Variants in CACNA1S observed in about 807,000 individuals in gnomAD.
CACNA1S encodes calcium voltage-gated channel subunit alpha1 S, also known as voltage-dependent L-type calcium channel subunit alpha-1S.
In CACNA1S, 126 loss-of-function variants were observed where a neutral mutation model predicts 207.4. The observed-to-expected ratio is 0.61, with a 90% CI of 0.53 to 0.70. CACNA1S has a LOEUF of 0.70. Ranked by LOEUF, CACNA1S falls within the 30% of genes least tolerant of loss-of-function variation. CACNA1S has a pLI of 0.00. For missense variants in CACNA1S, 2,349 were observed against 2,422.8 expected, an observed-to-expected ratio of 0.97 and a Z score of 0.64; for synonymous variants, 960 against 932.7, an observed-to-expected ratio of 1.03 and a Z score of -0.53.
At chr1:201,112,049 A>T in intron 1 of CACNA1S, 139 bp downstream of exon 1, 1 of 730,698 alleles carries the variant, frequency 1.4e-6, no homozygotes, top group Admixed American at 2.8e-5. Flanking sequence ...CCAGCTCCTC[A>T]CTCAATTCTG....
At chr1:201,076,336 C>G (rs1364874283) in intron 12 of CACNA1S, among the ~76,000 whole-genome samples, 1 of 152,218 alleles carries the variant, frequency 6.6e-6, no homozygotes, top group Admixed American at 6.5e-5. Context: ...GCCTTTCTCA[C>G]TGGTACAAAA....
rs1661144689 is a variant in CACNA1S, at chr1:201,063,608, A to C, written c.2854-1094T>G. On this transcript the variant is annotated intron_variant, in intron 22 of 43. Transcript: ENST00000362061. The stretch of plus-strand genomic sequence containing the variant: ...CCAGCAGGATGGCTAGGTCTTAAAG[A>C]GGCTAAATCAGGCTTGAGATCCACG... 2.0e-5 allele frequency among the ~76,000 whole-genome samples: 3 copies of C among 152,202 alleles called. No individual in the cohort carries two copies. The South Asian group carries it at 6.2e-4, about 31-fold the overall frequency.
In CACNA1S at chr1:201,079,243, AC is replaced by A. The variant is rs532489727; in HGVS notation, c.1394-1140del. ...TCTATATTGCTCTCTTCACTTCTTC[AC>A]CCCCTGCCCTGCCACATTTGCTCTT... On this transcript the variant is annotated intron_variant, in intron 10 of 43. Coordinates refer to ENST00000362061, the MANE Select transcript of CACNA1S (RefSeq NM_000069.3). Among the ~76,000 whole-genome samples the A allele has an allele frequency of 4.6e-4, 69 of 149,726 alleles. 2 individuals are homozygous for A. In the South Asian group the frequency reaches 0.015, roughly 32 times the overall value.
chr1:201,076,954 T>C lies in CACNA1S; in HGVS notation c.1793A>G (p.Asp598Gly), dbSNP rs749475822. The part of the protein sequence containing the change: ...EDTEVRRSNF[D>G]NFPQALISVF... ...GCTGATGAGGGCTTGGGGAAAGTTG[T>C]CAAAGTTGCTGCGCCGTACTTCTGT... Residue 598 changes from aspartate (D) to glycine (G), a missense_variant, in exon 12 of 44, where the codon GAC (aspartate) becomes GGC (glycine). Transcript: ENST00000362061. The C allele has an allele frequency of 6.2e-7, 1 of 1,614,134 alleles. No homozygotes were observed. The highest frequency in any genetic ancestry group is 8.5e-7 in the Non-Finnish European group (1 of 1,180,028).
At chr1:201,091,576 G>T in intron 5 of CACNA1S, 64 bp downstream of exon 5, 1 of 1,569,528 alleles carries the variant, frequency 6.4e-7, no homozygotes, top group Non-Finnish European at 8.8e-7. Context: ...ACCAGGTAGG[G>T]TGGCTCCCCC....
Position 201,059,298 on chromosome 1 carries a change from T to C in CACNA1S, c.3416A>G (p.His1139Arg). The C allele has an allele frequency of 6.2e-7, 1 of 1,609,228 alleles. No individual in the cohort carries two copies. The highest frequency in any genetic ancestry group is 8.5e-7 in the Non-Finnish European group (1 of 1,175,652). ...GTTCATCTGCTCCGACTGGTTGTAG[T>C]GCTGTGGAGGGGACACAGGAGCAGT... ...MLNTICLGMQ[H>R]YNQSEQMNHI... The change falls in exon 27 of 44, where the codon CAC (histidine) becomes CGC (arginine). Residue 1139 changes from histidine (H) to arginine (R), a missense_variant and splice_region_variant. Physicochemically the swap from His to Arg is conservative, Grantham distance 29 (BLOSUM62 0). Transcript: ENST00000362061.
rs80338782 is a variant in CACNA1S, at chr1:201,060,816, G to A, written c.3256C>T (p.Arg1086Cys). ...YKNCELDKNQRQCVQYALKAR... is the reference protein window; with the variant it reads ...YKNCELDKNQCQCVQYALKAR... The stretch of plus-strand genomic sequence containing the variant: ...TTCAGGGCATACTGTACACATTGGC[G>A]CTGTGACACATACAACAGGACAGGT... Residue 1086 changes from arginine to cysteine, a missense_variant and splice_region_variant, in exon 26 of 44, where the codon CGC becomes TGC. Physicochemically the swap from Arg to Cys is radical, Grantham distance 180 (BLOSUM62 -3). Coordinates refer to ENST00000362061, the MANE Select transcript of CACNA1S (RefSeq NM_000069.3). The A allele has an allele frequency of 2.4e-5, 39 of 1,614,026 alleles. No individual in the cohort carries two copies. The highest frequency in any genetic ancestry group is 5.3e-5 in the African/African-American group (4 of 74,902).
chr1:201,087,865 G>C lies in CACNA1S; in HGVS notation c.965C>G (p.Ser322Cys). The C allele has an allele frequency of 6.2e-7, 1 of 1,613,932 alleles. No homozygotes were observed. Among genetic ancestry groups the C allele is most frequent in the Non-Finnish European group, 8.5e-7 (1 of 1,179,914 alleles). ...IYFVTLILLG[S>C]FFILNLVLGV... ...CAGCACCAGGTTGAGGATGAAGAAG[G>C]ATCCCAGCAAAATGAGGGTGACAAA... The change falls in exon 7 of 44, where the codon TCC becomes TGC. Residue 322 changes from serine to cysteine, a missense_variant. Ser to Cys is a moderately radical substitution (Grantham distance 112). Coordinates refer to ENST00000362061, the MANE Select transcript of CACNA1S (RefSeq NM_000069.3).
intron 2 of CACNA1S, among the ~76,000 whole-genome samples, chr1:201,107,343 C>T (rs75975697): frequency 0.014 from 2,091 of 152,302 alleles, 56 homozygotes; most frequent in African/African-American, 0.048. Context: ...CCTTCCTGAT[C>T]TCAAGACTAG....
intron 2 of CACNA1S, among the ~76,000 whole-genome samples, chr1:201,103,748 C>T (rs1274588837): frequency 2.0e-5 from 3 of 152,330 alleles, no homozygotes; most frequent in East Asian, 3.9e-4. Context: ...CCAGCCTCCC[C>T]AGATGGCGAG....
In CACNA1S at chr1:201,053,206, C is replaced by G; in HGVS notation, c.3861+3G>C. 1 of 1,614,242 alleles carries G rather than the reference C, an allele frequency of 6.2e-7. No homozygotes were observed. Among genetic ancestry groups the G allele is most frequent in the Non-Finnish European group, 8.5e-7 (1 of 1,180,042 alleles). On this transcript the variant is annotated splice_donor_region_variant and intron_variant, in intron 31 of 43. Transcript: ENST00000362061. This position sits in a 1 kb window ranked among gnomAD's most constrained non-coding sequence, Gnocchi z 5.1. The stretch of plus-strand genomic sequence containing the variant: ...CTTTGGCCTGGGCCCGCCTGCCTCT[C>G]ACCTGCATGCCGATGACAGCGTAGA...
At chr1:201,072,061 C>T (rs992636423) in intron 16 of CACNA1S, among the ~76,000 whole-genome samples, 19 of 152,222 alleles carry the variant, frequency 1.2e-4, no homozygotes, top group African/African-American at 4.6e-4. Context: ...CCCACTGACC[C>T]GGTGATCCGA....
Position 201,043,606 on chromosome 1 carries a change from G to A in CACNA1S, c.4798-75C>T. ...TGGGGGGCTGTCACTCTGGGACAGT[G>A]GTATTGGGAACAAGCAATAGTATTG... is the stretch of plus-strand genomic sequence containing the variant. On this transcript the variant is annotated intron_variant, in intron 39 of 43. Transcript: ENST00000362061. 3 of 1,325,654 alleles carry A rather than the reference G, an allele frequency of 2.3e-6. No homozygotes were observed. The South Asian group carries it at 3.6e-5, about 16-fold the overall frequency. 82.1% of individuals were successfully genotyped at this position (1,325,654 alleles called of 1,614,324 possible).
At chr1:201,080,914 C>G (rs933664510) in intron 10 of CACNA1S, among the ~76,000 whole-genome samples, 1 of 152,166 alleles carries the variant, frequency 6.6e-6, no homozygotes, top group Non-Finnish European at 1.5e-5. Context: ...TTTTATGTTA[C>G]TATCTTAGTT....
At chr1:201,050,547 C>A in intron 33 of CACNA1S, 31 bp from the exon 34 acceptor site, 10 of 1,613,532 alleles carry the variant, frequency 6.2e-6, no homozygotes, top group Non-Finnish European at 7.6e-6. Context: ...GGTCCCAACA[C>A]AGAAAGGCAG....
intron 2 of CACNA1S, among the ~76,000 whole-genome samples, chr1:201,105,677 A>G (rs1250850048): frequency 6.6e-6 from 1 of 152,142 alleles, no homozygotes; most frequent in Non-Finnish European, 1.5e-5. Flanking sequence ...TCTGGGCCTC[A>G]GTTTCCTCTT....
chr1:201,047,034 C>G, intron 38 of CACNA1S, 81 bp downstream of exon 38: 3 of 1,583,600 alleles, frequency 1.9e-6, no homozygotes. Context: ...ATTGGCCCCT[C>G]AAGGACATGG....
intron 32 of CACNA1S, among the ~76,000 whole-genome samples, chr1:201,051,653 C>T (rs1660651661): frequency 6.6e-6 from 1 of 152,194 alleles, no homozygotes; most frequent in Non-Finnish European, 1.5e-5. Context: ...TGCATTTTTC[C>T]AGTAACTGCT....
chr1:201,108,207 G>A (rs1332644445), intron 2 of CACNA1S, among the ~76,000 whole-genome samples: 1 of 151,268 alleles, frequency 6.6e-6, no homozygotes, highest in African/African-American at 2.4e-5. Flanking sequence ...CCAGGCTCAA[G>A]CAATCCTCCC....
Sources: gnomAD v4.1 joint callset for allele counts (sites outside exome capture counted in the v4.1 genomes callset) on GRCh38, gnomAD v4.1.1 for gene constraint, Gnocchi (gnomAD v3.1) non-coding constraint, MANE v1.5 for transcripts, NCBI Gene and HGNC (gene_info 2026-07-23, HGNC 2026-07-21) for gene names.